The following PPP6R2 variants were observed in gnomAD, a reference collection of about 807,000 sequenced individuals.
The protein encoded by PPP6R2 is serine/threonine-protein phosphatase 6 regulatory subunit 2.
PPP6R2 carries 62 observed loss-of-function variants against 100.2 expected under a neutral mutation model. That is an observed-to-expected ratio of 0.62 (90% CI 0.50 to 0.76). The LOEUF (loss-of-function observed/expected upper bound fraction) is 0.76. Ranked by LOEUF, PPP6R2 falls within the 30% of genes least tolerant of loss-of-function variation. The pLI is 0.00. For missense variants in PPP6R2, 1,142 were observed against 1,276.3 expected (o/e 0.89, Z 1.60); for synonymous variants, 525 against 514.7 (o/e 1.02, Z -0.27).
In PPP6R2 at chr22:50,444,507, G is replaced by A. The variant is rs2066604966; in HGVS notation, c.*260G>A. Reference sequence around the variant, plus strand: ...CCCCAAGCCCAGAGCACAGCAATAAGGTCGGCCTGCAGGAGCCGGGGTGGG... The same window carrying A: ...CCCCAAGCCCAGAGCACAGCAATAAAGTCGGCCTGCAGGAGCCGGGGTGGG... On this transcript the variant is annotated 3_prime_UTR_variant, in exon 24 of 24. Transcript: ENST00000612753. 8.1e-6 allele frequency: 3 copies of A among 371,040 alleles called. No individual in the cohort carries two copies. In the South Asian group the frequency reaches 1.1e-4, roughly 14 times the overall value. 23.0% of individuals were successfully genotyped at this position (371,040 alleles called of 1,614,324 possible). A position where few individuals can be genotyped will look rare whatever the true frequency, so the allele number is the denominator to read the frequency against.
In PPP6R2 at chr22:50,437,489, C is replaced by CCCTT; in HGVS notation, c.1684-14_1684-13insTCCT. ...GACCGGTGTCTGTCCGTCCCTCCCTCCCTCCCTCCCTCCCAGGCCTTCTCT... is the reference window on the plus strand; with the variant it reads ...GACCGGTGTCTGTCCGTCCCTCCCTCCCTTCCTCCCTCCCTCCCAGGCCTTCTCT... On this transcript the variant is annotated splice_polypyrimidine_tract_variant and intron_variant, in intron 15 of 23. Transcript: ENST00000612753. 1 of 544,738 alleles carries CCCTT rather than the reference C, an allele frequency of 1.8e-6. No individual in the cohort carries two copies. 33.7% of individuals were successfully genotyped at this position (544,738 alleles called of 1,614,324 possible).
chr22:50,431,397 C>T lies in PPP6R2; in HGVS notation c.1335+15C>T, dbSNP rs1305831076. 3 of 1,608,348 alleles carry T rather than the reference C, an allele frequency of 1.9e-6. No homozygotes were observed. The highest frequency in any genetic ancestry group is 1.7e-6 in the Non-Finnish European group (2 of 1,178,176). ...TGGTGACCCACGTGAGTCCAAGAAG[C>T]ATCCATCTTATCAGCGCCAACTGCG... On this transcript the variant is annotated intron_variant, in intron 11 of 23. Transcript: ENST00000612753. This position sits in a 1 kb window ranked among gnomAD's most constrained non-coding sequence, Gnocchi z 4.8.
intron 1 of PPP6R2, among the ~76,000 whole-genome samples, chr22:50,354,639 A>G (rs910648502): frequency 2.0e-5 from 3 of 151,790 alleles, no homozygotes; most frequent in African/African-American, 7.3e-5. Flanking sequence ...CAGGCTGGCC[A>G]ACATGGTTAA....
At chr22:50,402,813 A>C (rs1326482352) in intron 3 of PPP6R2, among the ~76,000 whole-genome samples, 1 of 152,206 alleles carries the variant, frequency 6.6e-6, no homozygotes, top group African/African-American at 2.4e-5. Flanking sequence ...ATAACTGTAA[A>C]ATGTTGATAA....
intron 1 of PPP6R2, among the ~76,000 whole-genome samples, chr22:50,355,622 G>T (rs2046358073): frequency 6.7e-6 from 1 of 150,178 alleles, no homozygotes; most frequent in Admixed American, 6.7e-5. Context: ...CTGGATTCAC[G>T]CCATTCTCCT....
chr22:50,403,824 C>A (rs969858245), intron 3 of PPP6R2, among the ~76,000 whole-genome samples: 1 of 152,196 alleles, frequency 6.6e-6, no homozygotes, highest in African/African-American at 2.4e-5. Context: ...ACACCCACCC[C>A]CCAGCCAGCC....
chr22:50,378,050 G>A (rs1218738827), intron 2 of PPP6R2, among the ~76,000 whole-genome samples: 1 of 152,038 alleles, frequency 6.6e-6, no homozygotes, highest in East Asian at 1.9e-4. Flanking sequence ...TGGTAAGCAG[G>A]ATAAATAAAA....
chr22:50,353,576 G>C (rs1273435495), intron 1 of PPP6R2, among the ~76,000 whole-genome samples: 3 of 152,140 alleles, frequency 2.0e-5, no homozygotes, highest in Non-Finnish European at 4.4e-5. Context: ...GCAACACAGA[G>C]ACACGAAGTA....
chr22:50,348,451 TAA>T (rs2044251085), intron 1 of PPP6R2, among the ~76,000 whole-genome samples: 1 of 152,140 alleles, frequency 6.6e-6, no homozygotes, highest in Admixed American at 6.6e-5. Flanking sequence ...GGACTCAGGG[TAA>T]TTTCTGGGCT....
intron 3 of PPP6R2, among the ~76,000 whole-genome samples, chr22:50,402,225 A>G (rs9616823): frequency 0.34 from 51,045 of 151,454 alleles, 9,532 homozygotes; most frequent in East Asian, 0.74. Context: ...TCTTTGTCCC[A>G]TTATTTTTCC....
upstream of PPP6R2, among the ~76,000 whole-genome samples, chr22:50,341,712 T>A (rs1601857008): frequency 6.8e-6 from 1 of 147,384 alleles, no homozygotes; most frequent in East Asian, 2.2e-4. Flanking sequence ...AGGAGAGGGC[T>A]GGCCGGGCGC....
the PPP6R2 span, among the ~76,000 whole-genome samples, chr22:50,337,576 AGTGT>A: frequency 2.6e-5 from 2 of 76,004 alleles, no homozygotes; most frequent in South Asian, 4.2e-4. Flanking sequence ...GTGTCTGTGT[AGTGT>A]GTGTGCGATG....
Position 50,429,070 on chromosome 22 carries a change from G to T in PPP6R2, c.1126-2103G>T, listed in dbSNP as rs978385885. On this transcript the variant is annotated intron_variant, in intron 10 of 23. Coordinates refer to ENST00000612753, the MANE Select transcript of PPP6R2 (RefSeq NM_001242898.2). ...TTTGAGACAGAGTTTTGCTCTTGTTGCCCAGGCTGGAGTGCAGTGGCATGA... is the reference window on the plus strand; with the variant it reads ...TTTGAGACAGAGTTTTGCTCTTGTTTCCCAGGCTGGAGTGCAGTGGCATGA... 4.7e-5 allele frequency among the ~76,000 whole-genome samples: 7 copies of T among 148,700 alleles called. No homozygotes were observed. The East Asian group carries it at 1.2e-3, about 25-fold the overall frequency.
At chr22:50,391,917 A>T (rs1165194925) in intron 2 of PPP6R2, 1 of 150,204 alleles carries the variant, frequency 6.7e-6, no homozygotes, top group Non-Finnish European at 1.5e-5. Flanking sequence ...AGTCACCTGT[A>T]ACTGCCCTAT....
At chr22:50,355,467 C>T (rs896248520) in intron 1 of PPP6R2, among the ~76,000 whole-genome samples, 4 of 150,714 alleles carry the variant, frequency 2.7e-5, no homozygotes, top group African/African-American at 9.8e-5. Flanking sequence ...ACCTCGTGAT[C>T]GGCCGCCCGC....
At chr22:50,435,213 C>A in intron 13 of PPP6R2, 132 bp downstream of exon 13, 2 of 652,614 alleles carry the variant, frequency 3.1e-6, no homozygotes, top group Non-Finnish European at 5.0e-6. Context: ...ATGGCCACCT[C>A]TGTCCTCTCA....
At position 50,366,308 on chromosome 22, in the gene PPP6R2, C is replaced by T. The variant is rs2048745868; in HGVS notation, c.-147-5712C>T. Among the ~76,000 whole-genome samples, 3 of 150,320 alleles carry T rather than the reference C, an allele frequency of 2.0e-5. No individual in the cohort carries two copies. In the South Asian group the frequency reaches 6.3e-4, roughly 32 times the overall value. On this transcript the variant is annotated intron_variant, in intron 1 of 23. Coordinates refer to ENST00000612753, the MANE Select transcript of PPP6R2 (RefSeq NM_001242898.2). ...GTGAGCTTTGAGGATTGTTCCCTCT[C>T]ATCTTTTTTTTTTTTTTTTTTAAAT...
chr22:50,338,447 G>GGTGT, upstream of PPP6R2, among the ~76,000 whole-genome samples: 5 of 134,266 alleles, frequency 3.7e-5, no homozygotes, highest in East Asian at 2.2e-4. Flanking sequence ...TAGAGTGTGT[G>GGTGT]GTGTGTGGTA....
intron 2 of PPP6R2, among the ~76,000 whole-genome samples, chr22:50,380,193 G>C (rs1463485852): frequency 1.3e-5 from 2 of 151,980 alleles, no homozygotes; most frequent in Non-Finnish European, 2.9e-5. Context: ...CGTGGTGATA[G>C]AGAGGAAGAG....
Sources: gnomAD v4.1 joint callset for allele counts (sites outside exome capture counted in the v4.1 genomes callset) on GRCh38, gnomAD v4.1.1 for gene constraint, Gnocchi (gnomAD v3.1) non-coding constraint, MANE v1.5 for transcripts, NCBI Gene and HGNC (gene_info 2026-07-23, HGNC 2026-07-21) for gene names.